Variants in SLC35F3 observed in about 807,000 individuals in gnomAD.
The protein encoded by SLC35F3 is putative thiamine transporter SLC35F3.
A neutral mutation model predicts 49.9 loss-of-function variants in SLC35F3; 25 were observed. The ratio of observed to expected loss-of-function variants is 0.50; its 90% CI spans 0.37 to 0.70. The LOEUF is 0.70. Ranked by LOEUF, SLC35F3 falls within the 30% of genes least tolerant of loss-of-function variation. The pLI, the probability that SLC35F3 is intolerant of heterozygous loss-of-function variation, is 0.00. For synonymous variants in SLC35F3, 275 were observed against 265.4 expected (o/e 1.04, Z -0.35); for missense variants, 525 against 639.8 (o/e 0.82, Z 1.94).
At chr1:234,216,466 C>G (rs528289882) in intron 2 of SLC35F3, among the ~76,000 whole-genome samples, 259 of 152,278 alleles carry the variant, frequency 1.7e-3, no homozygotes, top group African/African-American at 2.2e-3. Flanking sequence ...TATGGCCAAG[C>G]CTGGAGGTTG....
Position 234,323,631 on chromosome 1 carries a change from T to G in SLC35F3, c.*388T>G, listed in dbSNP as rs1657685864. 5.0e-6 allele frequency: 1 copy of G among 201,784 alleles called. No homozygotes were observed. The highest frequency in any genetic ancestry group is 1.0e-5 in the Non-Finnish European group (1 of 98,388). The allele number at this position is 201,784 out of a possible 1,614,324, so 12.5% of individuals were successfully genotyped here. A position where few individuals can be genotyped will look rare whatever the true frequency, so the allele number is the denominator to read the frequency against. ...GCACACTGTGATTATTTTTCAGCTA[T>G]GGTAGGTCATATTTTGTTTTATACC... On this transcript the variant is annotated 3_prime_UTR_variant, in exon 8 of 8. Transcript: ENST00000366618. This position sits in a 1 kb window ranked among gnomAD's most constrained non-coding sequence, Gnocchi z 4.5.
In SLC35F3 at chr1:233,905,041, A is replaced by G; in HGVS notation, c.-37A>G. 6.5e-7 allele frequency: 1 copy of G among 1,547,216 alleles called. No individual in the cohort carries two copies. Among genetic ancestry groups the G allele is most frequent in the South Asian group, 1.2e-5 (1 of 83,184 alleles). ...CTCCGGCCCGCGGCCCCTCCGCCTC[A>G]AGTCTGGGAGCTGCCGGTCCCACTC... On this transcript the variant is annotated 5_prime_UTR_variant, in exon 1 of 8. Coordinates refer to ENST00000366618, the MANE Select transcript of SLC35F3 (RefSeq NM_173508.4).
chr1:234,140,122 G>A (rs1665887959), intron 2 of SLC35F3, among the ~76,000 whole-genome samples: 1 of 151,922 alleles, frequency 6.6e-6, no homozygotes, highest in Admixed American at 6.6e-5. Flanking sequence ...ACAAAGGGGT[G>A]ATTCACATCC....
intron 2 of SLC35F3, among the ~76,000 whole-genome samples, chr1:234,031,703 C>G (rs1558210274): frequency 6.6e-6 from 1 of 152,130 alleles, no homozygotes; most frequent in Non-Finnish European, 1.5e-5. Flanking sequence ...AGCCACTGCC[C>G]CCAGTCCAAC....
intron 4 of SLC35F3, among the ~76,000 whole-genome samples, chr1:234,311,839 C>T (rs1024228070): frequency 3.9e-5 from 6 of 152,162 alleles, no homozygotes; most frequent in Admixed American, 6.5e-5. Context: ...AGTCAAGTGA[C>T]GAGGTCACAG....
At chr1:234,015,023 C>T (rs992886215) in intron 2 of SLC35F3, among the ~76,000 whole-genome samples, 2 of 152,074 alleles carry the variant, frequency 1.3e-5, no homozygotes, top group Admixed American at 6.5e-5. Flanking sequence ...TCAAGATAAT[C>T]TTGAACAAAA....
chr1:234,199,217 G>A (rs1572091648), intron 2 of SLC35F3, among the ~76,000 whole-genome samples: 1 of 152,086 alleles, frequency 6.6e-6, no homozygotes, highest in East Asian at 1.9e-4. Flanking sequence ...AACAGAGTGA[G>A]ACCCTGTCTC....
At chr1:234,194,135 T>TAA (rs147430017) in intron 2 of SLC35F3, among the ~76,000 whole-genome samples, 50 of 150,204 alleles carry the variant, frequency 3.3e-4, no homozygotes, top group South Asian at 2.7e-3. Flanking sequence ...GAAGTCATTA[T>TAA]TAAAAAAAGA....
intron 3 of SLC35F3, among the ~76,000 whole-genome samples, chr1:234,290,944 T>G (rs1446894994): frequency 1.3e-5 from 2 of 152,164 alleles, no homozygotes; most frequent in Non-Finnish European, 2.9e-5. Flanking sequence ...TGATTCTCTC[T>G]TACTGAAGAT....
chr1:234,231,056 A>G lies in SLC35F3; in HGVS notation c.284-361A>G, dbSNP rs185680863. On this transcript the variant is annotated intron_variant, in intron 2 of 7. Coordinates refer to ENST00000366618, the MANE Select transcript of SLC35F3 (RefSeq NM_173508.4). This position sits in a 1 kb window ranked among gnomAD's most constrained non-coding sequence, Gnocchi z 5.4. ...ATTTCAGCTGCTCTGTGTGTTCTGG[A>G]GGAGTGTTTCCCAAAGCACGCAGAT... Among the ~76,000 whole-genome samples, 18 of 152,248 alleles carry G rather than the reference A, an allele frequency of 1.2e-4. No individual in the cohort carries two copies. The East Asian group carries it at 3.5e-3, about 29-fold the overall frequency.
At chr1:233,970,043 T>C (rs1056536094) in intron 2 of SLC35F3, among the ~76,000 whole-genome samples, 1 of 152,200 alleles carries the variant, frequency 6.6e-6, no homozygotes, top group African/African-American at 2.4e-5. Context: ...ATACTTCTAG[T>C]GGGACAGTTT....
chr1:234,138,473 G>C (rs1308430189), intron 2 of SLC35F3, among the ~76,000 whole-genome samples: 2 of 152,208 alleles, frequency 1.3e-5, no homozygotes, highest in African/African-American at 4.8e-5. Context: ...GAAGGACCAA[G>C]AGAAGAGGTG....
intron 3 of SLC35F3, among the ~76,000 whole-genome samples, chr1:234,305,415 G>C (rs994292568): frequency 7.6e-6 from 1 of 130,956 alleles, no homozygotes; most frequent in Non-Finnish European, 1.6e-5. Context: ...ACAGAGTCTT[G>C]CTCTGTCACC....
intron 3 of SLC35F3, among the ~76,000 whole-genome samples, chr1:234,283,397 A>G (rs1371357140): frequency 1.3e-5 from 2 of 152,228 alleles, no homozygotes; most frequent in African/African-American, 4.8e-5. Flanking sequence ...TCCATCCACA[A>G]GTAACTAAGA....
rs1415654592 is a variant in SLC35F3 at position 234,147,476 on chromosome 1, G to A, written c.284-83941G>A. Among the ~76,000 whole-genome samples the A allele has an allele frequency of 2.0e-5, 3 of 151,492 alleles. No individual in the cohort carries two copies. The East Asian group carries it at 5.8e-4, about 29-fold the overall frequency. On this transcript the variant is annotated intron_variant, in intron 2 of 7. Transcript: ENST00000366618. ...AGTTATACTTATTTTAAATCTTTTT[G>A]TGCTTCTGTTGTAATATCTCTGCTT... is the stretch of plus-strand genomic sequence containing the variant.
At chr1:234,276,278 T>C (rs1668209505) in intron 3 of SLC35F3, among the ~76,000 whole-genome samples, 1 of 152,176 alleles carries the variant, frequency 6.6e-6, no homozygotes, top group Non-Finnish European at 1.5e-5. Context: ...TCCAACATGA[T>C]GCGGCTATGG....
intron 2 of SLC35F3, among the ~76,000 whole-genome samples, chr1:234,178,212 A>T (rs1666504182): frequency 6.6e-6 from 1 of 152,092 alleles, no homozygotes; most frequent in Admixed American, 6.6e-5. Context: ...CCCACTACAT[A>T]CTTGGGCTAT....
At chr1:233,999,232 T>A (rs1663510651) in intron 2 of SLC35F3, among the ~76,000 whole-genome samples, 1 of 152,166 alleles carries the variant, frequency 6.6e-6, no homozygotes, top group African/African-American at 2.4e-5. Context: ...AATTACCCAC[T>A]GACTTAGAAT....
chr1:234,240,276 C>T (rs1323190493), intron 3 of SLC35F3, among the ~76,000 whole-genome samples: 1 of 151,930 alleles, frequency 6.6e-6, no homozygotes, highest in East Asian at 1.9e-4. Context: ...TCGAGACCAG[C>T]CTGGCCAACA....
Sources: gnomAD v4.1 joint callset for allele counts (sites outside exome capture counted in the v4.1 genomes callset) on GRCh38, gnomAD v4.1.1 for gene constraint, Gnocchi (gnomAD v3.1) non-coding constraint, MANE v1.5 for transcripts, NCBI Gene and HGNC (gene_info 2026-07-23, HGNC 2026-07-21) for gene names.